The following SULF1 variants were observed in gnomAD, a reference collection of about 807,000 sequenced individuals.
The protein encoded by SULF1 is sulfatase 1.
SULF1 carries 46 observed loss-of-function variants against 110.5 expected under a neutral mutation model. That is an observed-to-expected ratio of 0.42 (90% confidence interval 0.33 to 0.53). SULF1 has a LOEUF of 0.53. Among genes scored for constraint, SULF1 ranks in the 20% least tolerant of loss-of-function variants. The pLI is 0.12. For synonymous variants in SULF1, 371 were observed against 387.1 expected (o/e 0.96, Z 0.49); for missense variants, 941 against 1,094.2 (o/e 0.86, Z 1.98).
At chr8:69,503,594 C>A (rs1243737328) in intron 3 of SULF1, among the ~76,000 whole-genome samples, 5 of 152,094 alleles carry the variant, frequency 3.3e-5, no homozygotes, top group Non-Finnish European at 7.4e-5. Flanking sequence ...GAAACTCTAG[C>A]CTGATGCATC....
intron 8 of SULF1, among the ~76,000 whole-genome samples, chr8:69,596,632 T>C (rs2130354573): frequency 6.6e-6 from 1 of 152,308 alleles, no homozygotes; most frequent in East Asian, 1.9e-4. Flanking sequence ...TGAGGTACTT[T>C]GTGGGGCCTC....
intron 3 of SULF1, among the ~76,000 whole-genome samples, chr8:69,512,314 A>G (rs1167938917): frequency 1.3e-5 from 2 of 152,190 alleles, no homozygotes; most frequent in Non-Finnish European, 2.9e-5. Flanking sequence ...CCATCAGCCC[A>G]CCAACATCTA....
At chr8:69,584,239 T>C (rs1216861123) in intron 6 of SULF1, among the ~76,000 whole-genome samples, 1 of 151,994 alleles carries the variant, frequency 6.6e-6, no homozygotes, top group Non-Finnish European at 1.5e-5. Context: ...TGAGCATCTG[T>C]GAGGGGTGGC....
chr8:69,651,253 A>C (rs1190824277), intron 22 of SULF1, among the ~76,000 whole-genome samples: 2 of 151,958 alleles, frequency 1.3e-5, no homozygotes, highest in Non-Finnish European at 2.9e-5. Flanking sequence ...GGGTTTCACC[A>C]TGTTGGCCAG....
upstream of SULF1, among the ~76,000 whole-genome samples, chr8:69,490,166 A>C (rs1017032160): frequency 6.8e-6 from 1 of 148,008 alleles, no homozygotes; most frequent in African/African-American, 2.5e-5. Flanking sequence ...GCAGTGGCAC[A>C]ATCTGGGCTC....
At chr8:69,612,773 T>A (rs1187177047) in intron 13 of SULF1, among the ~76,000 whole-genome samples, 1 of 152,176 alleles carries the variant, frequency 6.6e-6, no homozygotes, top group East Asian at 1.9e-4. Context: ...GGATGCATAG[T>A]TTGCAAATAT....
At chr8:69,641,965 A>G (rs968138128) in intron 22 of SULF1, among the ~76,000 whole-genome samples, 1 of 151,918 alleles carries the variant, frequency 6.6e-6, no homozygotes, top group South Asian at 2.1e-4. Flanking sequence ...TTCTACTCTG[A>G]GCACAGACCT....
rs1224332751 is a variant in SULF1 at position 69,601,744 on chromosome 8, C to T, written c.976C>T (p.Leu326=). The stretch of plus-strand genomic sequence containing the variant: ...TGGTTACCATATTGGGCAGTTTGGA[C>T]TGGTCAAGGGGAAATCCATGCCATA... ...DHGYHIGQFG[L]VKGKSMPYDF... is the part of the protein sequence containing the mutation. The change falls in exon 10 of 23, where the codon CTG becomes TTG. Residue 326 remains leucine (L), a synonymous_variant. Coordinates refer to ENST00000402687, the MANE Select transcript of SULF1 (RefSeq NM_001128205.2). 1 of 1,613,824 alleles carries T rather than the reference C, an allele frequency of 6.2e-7. No homozygotes were observed. Among genetic ancestry groups the T allele is most frequent in the Admixed American group, 1.7e-5 (1 of 59,960 alleles).
intron 1 of SULF1, among the ~76,000 whole-genome samples, chr8:69,486,807 A>G (rs1744897949): frequency 6.6e-6 from 1 of 152,200 alleles, no homozygotes; most frequent in Non-Finnish European, 1.5e-5. Flanking sequence ...CCGCCCCTGC[A>G]GAAAACACGA....
intron 5 of SULF1, among the ~76,000 whole-genome samples, chr8:69,574,800 A>G (rs144499890): frequency 7.2e-5 from 11 of 152,300 alleles, no homozygotes; most frequent in African/African-American, 2.4e-4. Flanking sequence ...CTCCTAGCCG[A>G]GGCATATTTT....
chr8:69,526,797 G>GA (rs1222556669), intron 3 of SULF1, among the ~76,000 whole-genome samples: 3 of 118,754 alleles, frequency 2.5e-5, no homozygotes, highest in African/African-American at 1.0e-4. Context: ...TGTCAAGAAA[G>GA]AAAGGAAGGA....
At chr8:69,583,489 G>A (rs910719382) in intron 6 of SULF1, among the ~76,000 whole-genome samples, 4 of 151,778 alleles carry the variant, frequency 2.6e-5, no homozygotes, top group African/African-American at 7.3e-5. Context: ...CAGGAGAATC[G>A]CTTGAACCCA....
At chr8:69,523,130 G>A (rs1401790367) in intron 3 of SULF1, among the ~76,000 whole-genome samples, 1 of 152,168 alleles carries the variant, frequency 6.6e-6, no homozygotes, top group Non-Finnish European at 1.5e-5. Flanking sequence ...CTGTGGTTCT[G>A]AATAGATGAG....
intron 3 of SULF1, among the ~76,000 whole-genome samples, chr8:69,522,903 T>C (rs1408315980): frequency 6.6e-6 from 1 of 151,868 alleles, no homozygotes; most frequent in African/African-American, 2.4e-5. Flanking sequence ...TAGGCAAAGA[T>C]AAAATGGAAG....
intron 19 of SULF1, among the ~76,000 whole-genome samples, chr8:69,636,208 C>T (rs1810987705): frequency 1.3e-5 from 2 of 152,106 alleles, no homozygotes; most frequent in South Asian, 2.1e-4. Context: ...ATTTTCGCCA[C>T]GAGAAATAAG....
At chr8:69,491,657 C>T (rs1399733043), upstream of SULF1, among the ~76,000 whole-genome samples, 3 of 152,200 alleles carry the variant, frequency 2.0e-5, no homozygotes, top group African/African-American at 7.2e-5. Context: ...TATCCGACAA[C>T]CGTCCATATT....
upstream of SULF1, among the ~76,000 whole-genome samples, chr8:69,492,307 G>C (rs1405512175): frequency 6.6e-6 from 1 of 151,996 alleles, no homozygotes; most frequent in East Asian, 1.9e-4. Context: ...TGCTCCCACA[G>C]AGAAGAGAGG....
intron 5 of SULF1, among the ~76,000 whole-genome samples, chr8:69,568,977 G>A (rs1805019519): frequency 6.6e-6 from 1 of 152,072 alleles, no homozygotes; most frequent in African/African-American, 2.4e-5. Context: ...AAATCAGAAG[G>A]AAGAAAATAA....
In SULF1 at chr8:69,512,944, A is replaced by T. The variant is rs1005289656; in HGVS notation, c.-134+10976A>T. Among the ~76,000 whole-genome samples, 9 of 152,214 alleles carry T rather than the reference A, an allele frequency of 5.9e-5. No homozygotes were observed. In the South Asian group the frequency reaches 1.7e-3, roughly 28 times the overall value. On this transcript the variant is annotated intron_variant, in intron 3 of 22. Coordinates refer to ENST00000402687, the MANE Select transcript of SULF1 (RefSeq NM_001128205.2). Reference sequence around the variant, plus strand: ...CCTTAACTTATTATTATTAACATCCAGAATTTATTTCTCCCTTTGACCTCT... The same window carrying T: ...CCTTAACTTATTATTATTAACATCCTGAATTTATTTCTCCCTTTGACCTCT...
Sources: allele counts gnomAD v4.1 joint callset (sites outside exome capture counted in the v4.1 genomes callset), GRCh38; gene constraint gnomAD v4.1.1; transcripts MANE v1.5; gene names NCBI Gene and HGNC (gene_info 2026-07-23, HGNC 2026-07-21).